MGAT5: variants seen among roughly 807,000 people sequenced by gnomAD.
The protein encoded by MGAT5 is alpha-1,6-mannosylglycoprotein 6-beta-N-acetylglucosaminyltransferase A.
A neutral mutation model predicts 94.3 loss-of-function variants in MGAT5; 30 were observed. That is an observed-to-expected ratio of 0.32 (90% CI 0.24 to 0.43). MGAT5 has a LOEUF of 0.43. Ranked by LOEUF, MGAT5 falls within the 20% of genes least tolerant of loss-of-function variation. MGAT5 has a pLI of 1.00. For synonymous variants in MGAT5, 310 were observed against 322.9 expected (o/e 0.96, Z 0.43); for missense variants, 691 against 905.5 (o/e 0.76, Z 3.04).
chr2:134,372,208 A>C (rs993926921), intron 10 of MGAT5, among the ~76,000 whole-genome samples: 4 of 152,228 alleles, frequency 2.6e-5, no homozygotes, highest in African/African-American at 9.6e-5. Context: ...CAGCAACCAC[A>C]TCAGGCTGTA....
At chr2:134,296,634 A>G (rs1408312542) in intron 2 of MGAT5, among the ~76,000 whole-genome samples, 1 of 152,066 alleles carries the variant, frequency 6.6e-6, no homozygotes, top group Non-Finnish European at 1.5e-5. Context: ...TTTTTATACA[A>G]CTGACCTTGT....
chr2:134,204,956 G>A (rs528717276), intron 1 of MGAT5, among the ~76,000 whole-genome samples: 12 of 152,210 alleles, frequency 7.9e-5, no homozygotes, highest in Admixed American at 1.3e-4. Context: ...CTGAAAAGTT[G>A]CAGGTGAGGC....
chr2:134,241,536 T>G (rs1255491540), intron 1 of MGAT5, among the ~76,000 whole-genome samples: 1 of 152,190 alleles, frequency 6.6e-6, no homozygotes, highest in Non-Finnish European at 1.5e-5. Context: ...AATTATACTT[T>G]TTTACCGACA....
chr2:134,154,015 A>G (rs1244629467), intron 1 of MGAT5, among the ~76,000 whole-genome samples: 1 of 151,732 alleles, frequency 6.6e-6, no homozygotes, highest in East Asian at 1.9e-4. Flanking sequence ...TTTTTATCCT[A>G]TGGAAAAAAA....
At chr2:134,351,576 A>G (rs529522957) in intron 9 of MGAT5, among the ~76,000 whole-genome samples, 1 of 152,174 alleles carries the variant, frequency 6.6e-6, no homozygotes, top group Non-Finnish European at 1.5e-5. Flanking sequence ...GAATTTCAGC[A>G]GTATTGGTTG....
rs755122791 is a variant in MGAT5, at chr2:134,366,740, G to A, written c.1380+4332G>A. On this transcript the variant is annotated intron_variant, in intron 10 of 15. Coordinates refer to ENST00000281923, the MANE Select transcript of MGAT5 (RefSeq NM_002410.5). The stretch of plus-strand genomic sequence containing the variant: ...TTCTCACAAGCATCCAGGTGATACC[G>A]GTGGGCTGTTGGAAGAGCATGCTTT... Among the ~76,000 whole-genome samples, 9 of 152,340 alleles carry A rather than the reference G, an allele frequency of 5.9e-5. No individual in the cohort carries two copies. The East Asian group carries it at 1.7e-3, about 29-fold the overall frequency.
chr2:134,277,340 G>A (rs905210967), intron 2 of MGAT5, among the ~76,000 whole-genome samples: 1 of 152,128 alleles, frequency 6.6e-6, no homozygotes, highest in Non-Finnish European at 1.5e-5. Flanking sequence ...AAGAAAGGAG[G>A]TTTAACTGAC....
chr2:134,266,524 A>G (rs142299325), intron 1 of MGAT5, among the ~76,000 whole-genome samples: 565 of 152,338 alleles, frequency 3.7e-3, no homozygotes, highest in African/African-American at 8.6e-3. Context: ...CCAGCCTGTT[A>G]TTTCTTTAAA....
At chr2:134,407,302 T>C (rs775558082) in intron 11 of MGAT5, among the ~76,000 whole-genome samples, 8 of 152,180 alleles carry the variant, frequency 5.3e-5, no homozygotes, top group African/African-American at 7.2e-5. Flanking sequence ...AGGCAGCCAA[T>C]TGAAGCAGGT....
chr2:134,274,998 AG>A (rs1390711848), intron 2 of MGAT5, among the ~76,000 whole-genome samples: 1 of 152,216 alleles, frequency 6.6e-6, no homozygotes, highest in East Asian at 1.9e-4. Context: ...TGCATTTGGA[AG>A]TGCAATTTCC....
At position 134,257,836 on chromosome 2, in the gene MGAT5, C is replaced by CCTTTTTTTTTTTTTTTTTTTTTT. The variant is rs781189819; in HGVS notation, c.241+3192_241+3193insCTTTTTTTTTTTTTTTTTTTTTT. Among the ~76,000 whole-genome samples, 3 of 106,414 alleles carry CCTTTTTTTTTTTTTTTTTTTTTT rather than the reference C, an allele frequency of 2.8e-5. 1 individual carries two copies. 69.8% of individuals were successfully genotyped at this position (106,414 alleles called of 152,430 possible). ...TGCATAGGCCATTAGTTTGCAGTCT[C>CCTTTTTTTTTTTTTTTTTTTTTT]TTTTTTTTTTTTTTTTTTTGCCATA... On this transcript the variant is annotated intron_variant, in intron 1 of 15. Transcript: ENST00000281923.
At chr2:134,305,342 C>A (rs898130419) in intron 2 of MGAT5, among the ~76,000 whole-genome samples, 1 of 152,240 alleles carries the variant, frequency 6.6e-6, no homozygotes, top group East Asian at 1.9e-4. Flanking sequence ...CAGATAGAAT[C>A]CCTGTTTCTA....
intron 1 of MGAT5, among the ~76,000 whole-genome samples, chr2:134,233,331 T>C (rs555515576): frequency 6.6e-6 from 1 of 152,226 alleles, no homozygotes; most frequent in African/African-American, 2.4e-5. Flanking sequence ...TTCAGACTTT[T>C]AGGTGCTGAC....
rs149910953 is a variant in MGAT5 at position 134,261,605 on chromosome 2, A to G, written c.241+6961A>G. Among the ~76,000 whole-genome samples, 438 of 152,120 alleles carry G rather than the reference A, an allele frequency of 2.9e-3. 1 individual carries two copies. Among genetic ancestry groups the G allele is most frequent in the African/African-American group, 9.0e-3 (375 of 41,480 alleles). On this transcript the variant is annotated intron_variant, in intron 1 of 15. Coordinates refer to ENST00000281923, the MANE Select transcript of MGAT5 (RefSeq NM_002410.5). ...CAGAGAAGTTAGCCTTCCCTCCTTC[A>G]CAGGAGGGCCCAAACCCACTGTTAC...
At chr2:134,159,815 T>A (rs771645713) in intron 1 of MGAT5, among the ~76,000 whole-genome samples, 61 of 152,084 alleles carry the variant, frequency 4.0e-4, no homozygotes, top group Non-Finnish European at 7.2e-4. Flanking sequence ...ATAGTGGGGG[T>A]ATGATAAGGA....
intron 11 of MGAT5, among the ~76,000 whole-genome samples, chr2:134,403,492 C>T (rs187709820): frequency 1.3e-5 from 2 of 152,280 alleles, no homozygotes; most frequent in African/African-American, 2.4e-5. Flanking sequence ...CTGAACTCTT[C>T]CCCCAACCCA....
chr2:134,390,220 G>C (rs766316589), intron 10 of MGAT5, among the ~76,000 whole-genome samples: 118 of 152,150 alleles, frequency 7.8e-4, no homozygotes, highest in Non-Finnish European at 1.4e-3. Flanking sequence ...GCATCCCCGT[G>C]GATCATCTCG....
At chr2:134,237,396 G>T (rs1406172443) in intron 1 of MGAT5, among the ~76,000 whole-genome samples, 1 of 152,118 alleles carries the variant, frequency 6.6e-6, no homozygotes, top group Non-Finnish European at 1.5e-5. Context: ...AATAATCTGG[G>T]AAGTTTTCTT....
chr2:134,338,032 T>A (rs1688427427), intron 5 of MGAT5, among the ~76,000 whole-genome samples: 1 of 152,160 alleles, frequency 6.6e-6, no homozygotes, highest in Non-Finnish European at 1.5e-5. Flanking sequence ...TTTTCTCAAT[T>A]TCTAATTTTT....
Sources: gnomAD v4.1 joint callset for allele counts (sites outside exome capture counted in the v4.1 genomes callset) on GRCh38, gnomAD v4.1.1 for gene constraint, MANE v1.5 for transcripts, NCBI Gene and HGNC (gene_info 2026-07-23, HGNC 2026-07-21) for gene names.